The following BMAL1 variants were observed in gnomAD, a reference collection of about 807,000 sequenced individuals.
BMAL1 encodes the protein basic helix-loop-helix ARNT like 1.
chr11:13,363,860 C>T, the BMAL1 span, among the ~76,000 whole-genome samples: 2 of 152,164 alleles, frequency 1.3e-5, no homozygotes, highest in African/African-American at 2.4e-5. Flanking sequence ...AGCTGTCCTT[C>T]GGGCCCGGCT....
the BMAL1 span, among the ~76,000 whole-genome samples, chr11:13,307,280 A>G: frequency 1.3e-5 from 2 of 152,358 alleles, no homozygotes; most frequent in Non-Finnish European, 2.9e-5. Context: ...AGGTTTTATT[A>G]AAATCATTCT....
the BMAL1 span, among the ~76,000 whole-genome samples, chr11:13,362,257 C>T: frequency 6.6e-6 from 1 of 152,224 alleles, no homozygotes; most frequent in Non-Finnish European, 1.5e-5. Context: ...AGTACTGTAT[C>T]ATTTGGGGCA....
the BMAL1 span, among the ~76,000 whole-genome samples, chr11:13,291,428 GT>G: frequency 3.3e-5 from 5 of 152,294 alleles, no homozygotes; most frequent in African/African-American, 1.2e-4. Context: ...TGTTGTGGTG[GT>G]GATGGAAGGG....
At chr11:13,326,600 C>G in the BMAL1 span, 1 of 152,176 alleles carries the variant, frequency 6.6e-6, no homozygotes, top group African/African-American at 2.4e-5. Flanking sequence ...TACAGCCAAA[C>G]AGACCCTGGA....
At chr11:13,360,397 C>T in the BMAL1 span, 17 of 1,613,628 alleles carry the variant, frequency 1.1e-5, no homozygotes, top group South Asian at 3.3e-5. Context: ...TTCTATCAGA[C>T]GATGAATTGA....
chr11:13,353,992 C>T, the BMAL1 span, among the ~76,000 whole-genome samples: 14 of 152,212 alleles, frequency 9.2e-5, no homozygotes, highest in South Asian at 2.1e-4. Context: ...AATTTTTCCA[C>T]GCCACAGCAC....
At chr11:13,277,395 G>T in the BMAL1 span, among the ~76,000 whole-genome samples, 1 of 152,156 alleles carries the variant, frequency 6.6e-6, no homozygotes, top group African/African-American at 2.4e-5. Context: ...CGCGGCTAGT[G>T]GGAGACCTGA....
chr11:13,362,990 C>G, the BMAL1 span, among the ~76,000 whole-genome samples: 1 of 151,446 alleles, frequency 6.6e-6, no homozygotes, highest in South Asian at 2.1e-4. Context: ...TTCATTCTTG[C>G]GTATTCATGA....
chr11:13,307,909 A>G, the BMAL1 span, among the ~76,000 whole-genome samples: 17 of 152,106 alleles, frequency 1.1e-4, no homozygotes, highest in Non-Finnish European at 2.4e-4. Context: ...GAAGGCTTTT[A>G]AGGGATTTAA....
At chr11:13,386,435 A>C in the BMAL1 span, among the ~76,000 whole-genome samples, 5 of 152,188 alleles carry the variant, frequency 3.3e-5, no homozygotes, top group South Asian at 1.0e-3. Flanking sequence ...TCCTCTAAAA[A>C]ACAGCGATAT....
At chr11:13,298,521 T>TTTTA in the BMAL1 span, among the ~76,000 whole-genome samples, 1 of 152,176 alleles carries the variant, frequency 6.6e-6, no homozygotes, top group African/African-American at 2.4e-5. Context: ...TTTGGTTTAT[T>TTTTA]TTTATTTATT....
At chr11:13,342,665 T>C in the BMAL1 span, among the ~76,000 whole-genome samples, 1 of 152,326 alleles carries the variant, frequency 6.6e-6, no homozygotes, top group African/African-American at 2.4e-5. Context: ...AATAACATCA[T>C]TACAATCCTA....
chr11:13,307,296 CTG>C, the BMAL1 span, among the ~76,000 whole-genome samples: 3 of 152,170 alleles, frequency 2.0e-5, no homozygotes, highest in Admixed American at 1.3e-4. Context: ...ATTCTGGACA[CTG>C]TATGGGGTTG....
the BMAL1 span, among the ~76,000 whole-genome samples, chr11:13,308,798 C>A: frequency 2.9e-4 from 44 of 152,210 alleles, no homozygotes; most frequent in Non-Finnish European, 5.0e-4. Flanking sequence ...CGTAGGAATC[C>A]AGCAGAAGGA....
the BMAL1 span, among the ~76,000 whole-genome samples, chr11:13,284,263 TA>T: frequency 1.3e-3 from 20 of 15,896 alleles, 2 homozygotes; most frequent in African/African-American, 4.3e-3. Flanking sequence ...TATATATATA[TA>T]TATTTTTTTT....
chr11:13,373,807 C>G, the BMAL1 span, among the ~76,000 whole-genome samples: 4 of 152,232 alleles, frequency 2.6e-5, no homozygotes, highest in Non-Finnish European at 5.9e-5. Context: ...CCATGCCCGA[C>G]TGGTTGCAAT....
chr11:13,304,613 C>G, the BMAL1 span, among the ~76,000 whole-genome samples: 1 of 152,186 alleles, frequency 6.6e-6, no homozygotes, highest in African/African-American at 2.4e-5. Flanking sequence ...TCCTGGCACA[C>G]AGCAGAGGTG....
chr11:13,332,802 C>T, the BMAL1 span, among the ~76,000 whole-genome samples: 3 of 151,978 alleles, frequency 2.0e-5, no homozygotes. Context: ...TAAGGAGGTG[C>T]TGAAGAACAC....
At chr11:13,315,482 T>G in the BMAL1 span, among the ~76,000 whole-genome samples, 1 of 152,206 alleles carries the variant, frequency 6.6e-6, no homozygotes, top group African/African-American at 2.4e-5. Flanking sequence ...AGATGTTGGC[T>G]GAGGTAAGTG....
Sources: allele counts gnomAD v4.1 joint callset (sites outside exome capture counted in the v4.1 genomes callset), GRCh38; gene constraint gnomAD v4.1.1; transcripts MANE v1.5; gene names NCBI Gene and HGNC (gene_info 2026-07-23, HGNC 2026-07-21).